Variants in CDH13 observed in about 807,000 individuals in gnomAD.
The protein encoded by CDH13 is cadherin-13.
Under a neutral mutation model 63.8 loss-of-function variants are expected in CDH13, and 24 were observed. The ratio of observed to expected loss-of-function variants is 0.38; its 90% CI spans 0.27 to 0.53. The LOEUF (loss-of-function observed/expected upper bound fraction) is 0.53. CDH13 is among the 20% of genes least tolerant of loss of function. The pLI is 0.85. For missense variants in CDH13, 1,049 were observed against 903.1 expected (o/e 1.16, Z -2.07); for synonymous variants, 503 against 355.3 (o/e 1.42, Z -4.67).
intron 2 of CDH13, chr16:82,990,296 G>A (rs1448096945): frequency 6.6e-6 from 1 of 152,136 alleles, no homozygotes; most frequent in East Asian, 1.9e-4. Context: ...CAAGGAGGAT[G>A]GCATCATCTT....
intron 10 of CDH13, among the ~76,000 whole-genome samples, chr16:83,695,684 G>T (rs1217930640): frequency 6.6e-6 from 1 of 152,116 alleles, no homozygotes; most frequent in Admixed American, 6.5e-5. Flanking sequence ...CAGGAAGAAA[G>T]GATAAAACAT....
chr16:83,749,620 C>T (rs985233010), intron 11 of CDH13, among the ~76,000 whole-genome samples: 1 of 152,172 alleles, frequency 6.6e-6, no homozygotes, highest in African/African-American at 2.4e-5. Context: ...GAGGAGGAAA[C>T]TGACACGATG....
chr16:83,125,259 G>A, intron 3 of CDH13, 126 bp from the exon 4 acceptor site: 2 of 625,024 alleles, frequency 3.2e-6, no homozygotes, highest in Non-Finnish European at 5.8e-6. Flanking sequence ...AATAGGGTTT[G>A]ATGGAATACA....
intron 5 of CDH13, among the ~76,000 whole-genome samples, chr16:83,286,950 C>A (rs907086084): frequency 6.6e-6 from 1 of 151,970 alleles, no homozygotes; most frequent in Non-Finnish European, 1.5e-5. Context: ...TGCCCGTGCT[C>A]CTATGTGTAT....
At chr16:83,563,419 G>T (rs2075741687) in intron 7 of CDH13, among the ~76,000 whole-genome samples, 1 of 152,106 alleles carries the variant, frequency 6.6e-6, no homozygotes, top group Non-Finnish European at 1.5e-5. Context: ...CCTGAAAAAA[G>T]GTTAAATTTA....
chr16:83,329,929 A>G (rs2090446325), intron 5 of CDH13, among the ~76,000 whole-genome samples: 2 of 152,216 alleles, frequency 1.3e-5, no homozygotes, highest in Non-Finnish European at 2.9e-5. Context: ...TTCATCTGCT[A>G]ATGGACATTT....
intron 1 of CDH13, among the ~76,000 whole-genome samples, chr16:82,693,122 C>G (rs1053025013): frequency 2.0e-5 from 3 of 152,126 alleles, no homozygotes; most frequent in African/African-American, 7.2e-5. Flanking sequence ...ATAATAGCCT[C>G]AAAGGAAATG....
At chr16:82,738,450 C>G (rs923689889) in intron 1 of CDH13, among the ~76,000 whole-genome samples, 1 of 152,234 alleles carries the variant, frequency 6.6e-6, no homozygotes, top group South Asian at 2.1e-4. Context: ...CACCCATTCA[C>G]CTTTCAAATC....
At chr16:83,079,926 A>T (rs1017149600) in intron 3 of CDH13, among the ~76,000 whole-genome samples, 1 of 152,242 alleles carries the variant, frequency 6.6e-6, no homozygotes, top group Non-Finnish European at 1.5e-5. Context: ...CTGATAGACA[A>T]TGTCAACTGG....
intron 7 of CDH13, among the ~76,000 whole-genome samples, chr16:83,585,399 C>G (rs1446343494): frequency 6.6e-6 from 1 of 152,066 alleles, no homozygotes; most frequent in East Asian, 1.9e-4. Flanking sequence ...ATACTCTGTT[C>G]AGTGGGTGTG....
chr16:83,386,113 A>G (rs1042801004), intron 6 of CDH13, among the ~76,000 whole-genome samples: 1 of 152,258 alleles, frequency 6.6e-6, no homozygotes, highest in African/African-American at 2.4e-5. Context: ...TGGATTAAGT[A>G]GTTAGAAACA....
intron 11 of CDH13, among the ~76,000 whole-genome samples, chr16:83,770,518 C>T (rs1257848774): frequency 1.3e-5 from 2 of 152,098 alleles, no homozygotes; most frequent in Non-Finnish European, 2.9e-5. Flanking sequence ...AGTGCGAGTC[C>T]ATTAAGTGAA....
intron 6 of CDH13, among the ~76,000 whole-genome samples, chr16:83,441,674 G>T (rs1307265491): frequency 6.6e-6 from 1 of 152,124 alleles, no homozygotes; most frequent in Non-Finnish European, 1.5e-5. Context: ...CTGCCACCAA[G>T]ATGTCAGTTA....
chr16:82,891,232 T>G (rs1012643332), intron 2 of CDH13, among the ~76,000 whole-genome samples: 1 of 152,130 alleles, frequency 6.6e-6, no homozygotes, highest in East Asian at 1.9e-4. Flanking sequence ...AGAATCTATG[T>G]TCTGTATCTC....
At chr16:83,229,008 A>G (rs1423331958) in intron 5 of CDH13, among the ~76,000 whole-genome samples, 1 of 152,118 alleles carries the variant, frequency 6.6e-6, no homozygotes, top group East Asian at 1.9e-4. Flanking sequence ...CATAGTGAAG[A>G]TATTAAATAT....
chr16:83,144,080 G>A (rs894952717), intron 4 of CDH13, among the ~76,000 whole-genome samples: 2 of 152,030 alleles, frequency 1.3e-5, no homozygotes, highest in Non-Finnish European at 2.9e-5. Context: ...CCACGTTTGG[G>A]GAAGGATAAA....
At chr16:82,859,897 T>C (rs1323665894) in intron 2 of CDH13, among the ~76,000 whole-genome samples, 2 of 152,218 alleles carry the variant, frequency 1.3e-5, no homozygotes, top group African/African-American at 2.4e-5. Context: ...AATGAAATCA[T>C]TTCAATAATT....
At chr16:82,964,764 C>T (rs902580301) in intron 2 of CDH13, among the ~76,000 whole-genome samples, 3 of 152,272 alleles carry the variant, frequency 2.0e-5, no homozygotes, top group Middle Eastern at 3.4e-3. Context: ...AAAATATATC[C>T]GACAGGAAAA....
At chr16:83,493,867 G>T (rs1211293410) in intron 7 of CDH13, among the ~76,000 whole-genome samples, 3 of 152,332 alleles carry the variant, frequency 2.0e-5, no homozygotes, top group South Asian at 4.1e-4. Context: ...GCGTTTTGGA[G>T]ACAGGTTGAG....
Sources: gnomAD v4.1 joint callset for allele counts (sites outside exome capture counted in the v4.1 genomes callset) on GRCh38, gnomAD v4.1.1 for gene constraint, MANE v1.5 for transcripts, NCBI Gene and HGNC (gene_info 2026-07-23, HGNC 2026-07-21) for gene names.